Variants in COL11A1 observed in about 807,000 individuals in gnomAD.
COL11A1 encodes collagen alpha-1(XI) chain.
In COL11A1, 74 loss-of-function variants were observed where a neutral mutation model predicts 265.2. The ratio of observed to expected loss-of-function variants is 0.28; its 90% confidence interval spans 0.23 to 0.34. The LOEUF is 0.34. Among genes scored for constraint, COL11A1 ranks in the 10% least tolerant of loss-of-function variants. COL11A1 has a pLI of 1.00. For missense variants in COL11A1, 2,165 were observed against 2,263.6 expected (o/e 0.96, Z 0.88); for synonymous variants, 816 against 727.6 (o/e 1.12, Z -1.96).
At chr1:103,002,222 TG>T (rs781644692) in intron 23 of COL11A1, among the ~76,000 whole-genome samples, 7 of 152,088 alleles carry the variant, frequency 4.6e-5, no homozygotes, top group African/African-American at 7.2e-5. Context: ...CCCTAAACAT[TG>T]AATGAGTCAT....
At chr1:103,087,276 T>C (rs1435534756) in intron 1 of COL11A1, among the ~76,000 whole-genome samples, 4 of 152,214 alleles carry the variant, frequency 2.6e-5, no homozygotes, top group African/African-American at 9.6e-5. Context: ...TGAATACCTA[T>C]AGGTTTATTA....
chr1:103,070,923 G>T (rs76090644), intron 4 of COL11A1, among the ~76,000 whole-genome samples: 1,601 of 151,926 alleles, frequency 0.011, 28 homozygotes, highest in African/African-American at 0.037. Context: ...AGCTCTTAAT[G>T]GCTTTTGAGA....
rs1674896518 is a variant in COL11A1 at position 103,108,513 on chromosome 1, T to G, written c.-335A>C. ...GTACTGTGTGCCCCTAAAGGCTTCA[T>G]GCCGTCAGTGGGCTGGACGAGTGGC... On this transcript the variant is annotated 5_prime_UTR_variant, in exon 1 of 67. It removes an upstream start codon present in the reference 5' UTR. Coordinates refer to ENST00000370096, the MANE Select transcript of COL11A1 (RefSeq NM_001854.4). 1 of 561,326 alleles carries G rather than the reference T, an allele frequency of 1.8e-6. No individual in the cohort carries two copies. The highest frequency in any genetic ancestry group is 2.9e-5 in the East Asian group (1 of 34,516). The allele number at this position is 561,326 out of a possible 1,614,324, so 34.8% of individuals were successfully genotyped here.
chr1:103,045,009 T>A lies in COL11A1; in HGVS notation c.652-13765A>T, dbSNP rs962341361. ...CTTGAGGAACTGAGGAAATAAAAAATGCTATATCTAAGAGAGAGCTTTCCA... is the reference window on the plus strand; with the variant it reads ...CTTGAGGAACTGAGGAAATAAAAAAAGCTATATCTAAGAGAGAGCTTTCCA... On this transcript the variant is annotated intron_variant, in intron 4 of 66. Coordinates refer to ENST00000370096, the MANE Select transcript of COL11A1 (RefSeq NM_001854.4). 2.0e-5 allele frequency among the ~76,000 whole-genome samples: 3 copies of A among 152,082 alleles called. No homozygotes were observed. In the East Asian group the frequency reaches 5.8e-4, roughly 29 times the overall value.
intron 25 of COL11A1, among the ~76,000 whole-genome samples, chr1:102,997,981 G>T (rs1365328150): frequency 6.6e-6 from 1 of 151,804 alleles, no homozygotes; most frequent in African/African-American, 2.4e-5. Flanking sequence ...AAGGTAAGGT[G>T]ATAGAAAATT....
At chr1:103,025,385 G>C in intron 7 of COL11A1, 136 bp downstream of exon 7, 1 of 718,728 alleles carries the variant, frequency 1.4e-6, no homozygotes, top group South Asian at 1.7e-5. Context: ...CATTGCTATT[G>C]TTTCTCTTAC....
intron 4 of COL11A1, among the ~76,000 whole-genome samples, chr1:103,052,098 C>A (rs963701230): frequency 6.6e-6 from 1 of 152,154 alleles, no homozygotes; most frequent in East Asian, 1.9e-4. Context: ...CAGTTCTATT[C>A]CATATTGAAA....
At chr1:102,959,517 A>C (rs1006502419) in intron 41 of COL11A1, among the ~76,000 whole-genome samples, 6 of 152,190 alleles carry the variant, frequency 3.9e-5, no homozygotes, top group Non-Finnish European at 2.9e-5. Context: ...TCATAGAATT[A>C]ACATTTATTG....
At chr1:102,900,763 A>C (rs1035180583) in intron 54 of COL11A1, among the ~76,000 whole-genome samples, 1 of 152,204 alleles carries the variant, frequency 6.6e-6, no homozygotes, top group Non-Finnish European at 1.5e-5. Context: ...GATTAAAATA[A>C]AGGGCTTCTT....
Position 102,940,449 on chromosome 1 carries a change from C to T in COL11A1, c.3277-15G>A. ...CCTTTTTCTCCCTGTATTGAATATCCAAAGATCATTAATTTTACAGTTTTG... is the reference window on the plus strand; with the variant it reads ...CCTTTTTCTCCCTGTATTGAATATCTAAAGATCATTAATTTTACAGTTTTG... On this transcript the variant is annotated splice_polypyrimidine_tract_variant and intron_variant, in intron 42 of 66. Transcript: ENST00000370096. The T allele has an allele frequency of 6.3e-7, 1 of 1,580,536 alleles. No homozygotes were observed. Among genetic ancestry groups the T allele is most frequent in the Non-Finnish European group, 8.7e-7 (1 of 1,150,264 alleles).
Position 103,108,139 on chromosome 1 carries a change from G to T in COL11A1, c.40C>A (p.Leu14Ile). 6.2e-7 allele frequency: 1 copy of T among 1,613,716 alleles called. No individual in the cohort carries two copies. The highest frequency in any genetic ancestry group is 1.3e-5 in the African/African-American group (1 of 74,870). ...WSSRWKTKRW[L>I]WDFTVTTLAL... ...AGGGTTGTTACGGTGAAATCCCAGAGCCACCGTTTCGTTTTCCACCTAGAG... is the reference window on the plus strand; with the variant it reads ...AGGGTTGTTACGGTGAAATCCCAGATCCACCGTTTCGTTTTCCACCTAGAG... Residue 14 changes from leucine to isoleucine, a missense_variant, in exon 1 of 67, where the codon CTC becomes ATC. Leu to Ile is a conservative substitution (Grantham distance 5). Transcript: ENST00000370096.
chr1:102,987,868 G>T, intron 29 of COL11A1, 128 bp from the exon 30 acceptor site: 1 of 722,488 alleles, frequency 1.4e-6, no homozygotes, highest in Non-Finnish European at 2.5e-6. Flanking sequence ...CCTTCAAACT[G>T]CCCTTGATCG....
At chr1:103,023,271 G>GA (rs968162461) in intron 7 of COL11A1, among the ~76,000 whole-genome samples, 4 of 151,810 alleles carry the variant, frequency 2.6e-5, no homozygotes, top group East Asian at 3.9e-4. Context: ...TGTTCCATTG[G>GA]AAAAAACATG....
At position 102,976,289 on chromosome 1, in the gene COL11A1, C is replaced by CTTTTTTTTTTT. The variant is rs149842131; in HGVS notation, c.2755-1417_2755-1407dup. Among the ~76,000 whole-genome samples, 58 of 58,602 alleles carry CTTTTTTTTTTT rather than the reference C, an allele frequency of 9.9e-4. 19 individuals are homozygous for CTTTTTTTTTTT. Among genetic ancestry groups the CTTTTTTTTTTT allele is most frequent in the East Asian group, 2.6e-3 (4 of 1,552 alleles). The allele number at this position is 58,602 out of a possible 152,430, so 38.4% of individuals were successfully genotyped here. On this transcript the variant is annotated intron_variant, in intron 35 of 66. Transcript: ENST00000370096. ...TATAAAATTTCACAGAAAACGTTGG[C>CTTTTTTTTTTT]TTTTTTTTTTTTTTTTTTTTTTTTT...
intron 4 of COL11A1, among the ~76,000 whole-genome samples, chr1:103,050,455 G>T (rs1669716993): frequency 6.6e-6 from 1 of 152,042 alleles, no homozygotes; most frequent in Non-Finnish European, 1.5e-5. Context: ...GTTCCATCAG[G>T]TCCTTTAAGG....
intron 57 of COL11A1, among the ~76,000 whole-genome samples, chr1:102,896,877 T>C (rs1364759920): frequency 1.3e-5 from 2 of 152,154 alleles, no homozygotes; most frequent in Non-Finnish European, 2.9e-5. Context: ...AAGGTATTTT[T>C]TCCTTCCAGG....
chr1:102,962,691 G>T lies in COL11A1; in HGVS notation c.2986C>A (p.Gln996Lys). 6.2e-7 allele frequency: 1 copy of T among 1,614,116 alleles called. No individual in the cohort carries two copies. The highest frequency in any genetic ancestry group is 8.5e-7 in the Non-Finnish European group (1 of 1,180,006). ...TTTCCTGCAGCACCAGGAAGACCTT[G>T]CTCACCAGGAGGGCCAGGAGGGCCA... ...HPGPPGPPGE[Q>K]GLPGAAGKEG... The change falls in exon 39 of 67, where the codon CAA becomes AAA. Residue 996 changes from glutamine to lysine, a missense_variant. Transcript: ENST00000370096.
intron 41 of COL11A1, among the ~76,000 whole-genome samples, chr1:102,955,328 G>T (rs1168437354): frequency 6.6e-6 from 1 of 152,098 alleles, no homozygotes; most frequent in Non-Finnish European, 1.5e-5. Context: ...AGAAGAAGAA[G>T]AAATAATAAA....
intron 4 of COL11A1, among the ~76,000 whole-genome samples, chr1:103,045,759 C>A (rs969835304): frequency 1.1e-4 from 16 of 145,700 alleles, no homozygotes; most frequent in Non-Finnish European, 2.3e-4. Flanking sequence ...CTAATGCTAT[C>A]CCTCCCCCCT....
Sources: allele counts gnomAD v4.1 joint callset (sites outside exome capture counted in the v4.1 genomes callset), GRCh38; gene constraint gnomAD v4.1.1; transcripts MANE v1.5; gene names NCBI Gene and HGNC (gene_info 2026-07-23, HGNC 2026-07-21).